Variants in EFCAB6 observed in about 807,000 individuals in gnomAD.
The protein encoded by EFCAB6 is EF-hand calcium binding domain 6, also known as EF-hand calcium-binding domain-containing protein 6.
A neutral mutation model predicts 169.8 loss-of-function variants in EFCAB6; 156 were observed. The observed-to-expected ratio is 0.92, with a 90% CI of 0.81 to 1.05. The LOEUF is 1.05. Ranked by LOEUF, EFCAB6 falls within the 50% of genes least tolerant of loss-of-function variation. The probability of loss-of-function intolerance (pLI) is 0.00; values close to 1 mark genes in which losing one functional copy is unlikely to be tolerated. For missense variants in EFCAB6, 1,800 were observed against 1,829.1 expected (o/e 0.98, Z 0.29); for synonymous variants, 698 against 676.4 (o/e 1.03, Z -0.50).
chr22:43,636,193 T>G (rs6006515), intron 17 of EFCAB6, among the ~76,000 whole-genome samples: 5,758 of 152,172 alleles, frequency 0.038, 300 homozygotes, highest in African/African-American at 0.12. Flanking sequence ...CGATGGGTTG[T>G]GAAGAAAGTG....
intron 18 of EFCAB6, 151 bp downstream of exon 18, chr22:43,634,951 A>G (rs1196785695): frequency 3.2e-6 from 2 of 628,630 alleles, no homozygotes; most frequent in Admixed American, 5.4e-5. Flanking sequence ...AAAATGAAAT[A>G]AAAATGGTTG....
intron 4 of EFCAB6, among the ~76,000 whole-genome samples, chr22:43,770,485 A>G (rs910129995): frequency 1.3e-5 from 2 of 152,252 alleles, no homozygotes; most frequent in Non-Finnish European, 2.9e-5. Flanking sequence ...ACTATGTTCA[A>G]TGAGTTGAAA....
At chr22:43,755,091 C>G (rs1482855169) in intron 6 of EFCAB6, among the ~76,000 whole-genome samples, 3 of 151,954 alleles carry the variant, frequency 2.0e-5, no homozygotes, top group Non-Finnish European at 2.9e-5. Flanking sequence ...CAGAAGAGTT[C>G]AAAAAAGAAA....
chr22:43,630,114 C>T (rs145265820), intron 19 of EFCAB6, among the ~76,000 whole-genome samples: 2,004 of 152,218 alleles, frequency 0.013, 20 homozygotes, highest in Admixed American at 0.018. Context: ...GCCTGGGCAA[C>T]GTAGCAAGAC....
chr22:43,806,422 T>A (rs2062926091), intron 2 of EFCAB6, among the ~76,000 whole-genome samples: 1 of 151,944 alleles, frequency 6.6e-6, no homozygotes, highest in South Asian at 2.1e-4. Context: ...ACCTGCCTAA[T>A]TTTTGTAGAG....
chr22:43,736,523 A>G (rs1300843425), intron 6 of EFCAB6, among the ~76,000 whole-genome samples: 4 of 152,144 alleles, frequency 2.6e-5, no homozygotes, highest in Non-Finnish European at 5.9e-5. Context: ...ACATTAGGAT[A>G]GGCCCTGTGG....
intron 17 of EFCAB6, among the ~76,000 whole-genome samples, chr22:43,657,881 A>G (rs764155837): frequency 1.3e-5 from 2 of 152,188 alleles, no homozygotes; most frequent in Admixed American, 6.5e-5. Flanking sequence ...GCAAGCAAAC[A>G]TTCCCAATTA....
intron 17 of EFCAB6, among the ~76,000 whole-genome samples, chr22:43,651,325 G>A (rs1339105960): frequency 6.6e-6 from 1 of 152,218 alleles, no homozygotes; most frequent in East Asian, 1.9e-4. Flanking sequence ...AGCTTCAGAG[G>A]GACCAAGCCT....
At chr22:43,609,008 T>C (rs2053119529) in intron 21 of EFCAB6, among the ~76,000 whole-genome samples, 1 of 152,210 alleles carries the variant, frequency 6.6e-6, no homozygotes, top group South Asian at 2.1e-4. Context: ...CCAGCTATTA[T>C]GACAAGATTA....
intron 24 of EFCAB6, among the ~76,000 whole-genome samples, chr22:43,585,074 A>G (rs1240802066): frequency 6.6e-6 from 1 of 152,250 alleles, no homozygotes; most frequent in African/African-American, 2.4e-5. Context: ...TACAATGCAT[A>G]TAAACAGTCA....
intron 22 of EFCAB6, among the ~76,000 whole-genome samples, chr22:43,603,778 T>C (rs1393413762): frequency 1.3e-5 from 2 of 151,596 alleles, no homozygotes; most frequent in African/African-American, 2.4e-5. Context: ...TCAGGTACCA[T>C]CTTGGAGGGA....
chr22:43,599,984 G>A, intron 23 of EFCAB6, 85 bp downstream of exon 23: 1 of 1,387,702 alleles, frequency 7.2e-7, no homozygotes. Flanking sequence ...GCATGGGAAG[G>A]TACCATTTTA....
At chr22:43,787,527 T>C (rs1297928046) in intron 2 of EFCAB6, among the ~76,000 whole-genome samples, 20 of 152,128 alleles carry the variant, frequency 1.3e-4, no homozygotes, top group Non-Finnish European at 2.9e-5. Context: ...ATCAAAAAGA[T>C]AAAATACTTA....
At chr22:43,633,567 A>G (rs2055141688) in intron 18 of EFCAB6, among the ~76,000 whole-genome samples, 1 of 152,168 alleles carries the variant, frequency 6.6e-6, no homozygotes, top group Admixed American at 6.5e-5. Context: ...AACAGGAACA[A>G]AAACAAACAA....
At chr22:43,639,304 T>C (rs2055642377) in intron 17 of EFCAB6, among the ~76,000 whole-genome samples, 2 of 152,232 alleles carry the variant, frequency 1.3e-5, no homozygotes, top group South Asian at 4.1e-4. Flanking sequence ...GCCTTGCTTG[T>C]AGCGAAGATC....
In EFCAB6 at chr22:43,687,448, T is replaced by A. The variant is rs746936066; in HGVS notation, c.1142+23A>T. 1.5e-5 allele frequency: 6 copies of A among 388,942 alleles called. No homozygotes were observed. In the Admixed American group the frequency reaches 7.2e-4, roughly 47 times the overall value. 24.1% of individuals were successfully genotyped at this position (388,942 alleles called of 1,614,324 possible). Reference sequence around the variant, plus strand: ...TTATGATATGTGTAACTAAAATTTGTTTTTTTTTTTTTTTTTACATACCTA... The same window carrying A: ...TTATGATATGTGTAACTAAAATTTGATTTTTTTTTTTTTTTTACATACCTA... On this transcript the variant is annotated intron_variant, in intron 11 of 31. Coordinates refer to ENST00000262726, the MANE Select transcript of EFCAB6 (RefSeq NM_022785.4).
intron 27 of EFCAB6, among the ~76,000 whole-genome samples, chr22:43,550,596 C>T (rs137156): frequency 0.11 from 17,095 of 150,802 alleles, 1,154 homozygotes; most frequent in South Asian, 0.21. Context: ...TGCTTGAACC[C>T]GATAGGCAGA....
At chr22:43,809,626 A>C (rs2063036591) in intron 1 of EFCAB6, among the ~76,000 whole-genome samples, 1 of 151,960 alleles carries the variant, frequency 6.6e-6, no homozygotes, top group Non-Finnish European at 1.5e-5. Context: ...GTCTGTTTTG[A>C]GATGGAGTTT....
chr22:43,742,266 C>T (rs544752558), intron 6 of EFCAB6, among the ~76,000 whole-genome samples: 1 of 152,304 alleles, frequency 6.6e-6, no homozygotes, highest in South Asian at 2.1e-4. Flanking sequence ...ATGTGAATTT[C>T]AAATTTCAGT....
Sources: gnomAD v4.1 joint callset for allele counts (sites outside exome capture counted in the v4.1 genomes callset) on GRCh38, gnomAD v4.1.1 for gene constraint, MANE v1.5 for transcripts, NCBI Gene and HGNC (gene_info 2026-07-23, HGNC 2026-07-21) for gene names.